Variants in SNTG2 observed in about 807,000 individuals in gnomAD.
SNTG2 encodes syntrophin gamma 2, also known as gamma-2-syntrophin.
A neutral mutation model predicts 70.9 loss-of-function variants in SNTG2; 74 were observed. That is an observed-to-expected ratio of 1.04 (90% CI 0.86 to 1.27). The LOEUF is 1.27. Among genes scored for constraint, SNTG2 ranks in the 50% most tolerant of loss-of-function variants. The pLI, the probability that SNTG2 is intolerant of heterozygous loss-of-function variation, is 0.00. For missense variants in SNTG2, 717 were observed against 690.7 expected (o/e 1.04, Z -0.43); for synonymous variants, 278 against 273.8 (o/e 1.02, Z -0.15).
rs774429634 is a variant in SNTG2 at position 1,237,976 on chromosome 2, CG to C, written c.811del (p.Ala271ArgfsTer9). 1.2e-6 allele frequency: 2 copies of C among 1,609,916 alleles called. No homozygotes were observed. The highest frequency in any genetic ancestry group is 1.7e-6 in the Non-Finnish European group (2 of 1,178,538). ...YTAQDGTDWL[R>X]AVSANIRELT... The stretch of plus-strand genomic sequence containing the variant: ...AGCCCAGGATGGCACCGACTGGCTG[CG>C]GGCGGTCTCAGCCAACATCAGGGAG... On this transcript the variant is annotated frameshift_variant, in exon 10 of 17. Coordinates refer to ENST00000308624, the MANE Select transcript of SNTG2 (RefSeq NM_018968.4). LOFTEE classifies it high-confidence loss of function.
intron 14 of SNTG2, among the ~76,000 whole-genome samples, chr2:1,278,992 CCT>C (rs1386870051): frequency 2.8e-4 from 38 of 135,750 alleles, no homozygotes; most frequent in Admixed American, 1.6e-3. Flanking sequence ...GCGAATCACC[CCT>C]CTGTCAGTGC....
chr2:1,305,228 G>T (rs1572950865), intron 14 of SNTG2, among the ~76,000 whole-genome samples: 1 of 152,300 alleles, frequency 6.6e-6, no homozygotes, highest in East Asian at 1.9e-4. Context: ...CTAGTAAGTT[G>T]TTCCTGCAGC....
chr2:1,078,552 CAG>C (rs955082041), intron 1 of SNTG2, among the ~76,000 whole-genome samples: 8 of 152,092 alleles, frequency 5.3e-5, no homozygotes, highest in South Asian at 2.1e-4. Context: ...GACAGCTGGA[CAG>C]GGGACAGGGA....
At chr2:1,036,850 G>C (rs1192579417) in intron 1 of SNTG2, among the ~76,000 whole-genome samples, 1 of 152,176 alleles carries the variant, frequency 6.6e-6, no homozygotes, top group Non-Finnish European at 1.5e-5. Context: ...AGTTCTTTCA[G>C]AATACCGTGT....
chr2:986,005 G>A (rs901329062), intron 1 of SNTG2, among the ~76,000 whole-genome samples: 1 of 150,596 alleles, frequency 6.6e-6, no homozygotes, highest in Admixed American at 6.6e-5. Flanking sequence ...AGGGGAGAGG[G>A]ATTTGTATTT....
intron 10 of SNTG2, 79 bp downstream of exon 10, chr2:1,238,096 A>T: frequency 6.7e-7 from 1 of 1,494,512 alleles, no homozygotes; most frequent in Non-Finnish European, 9.0e-7. Flanking sequence ...GTTTCTGATG[A>T]TTTATGATTA....
intron 2 of SNTG2, among the ~76,000 whole-genome samples, chr2:1,096,437 T>C (rs1665394607): frequency 2.0e-5 from 3 of 152,138 alleles, no homozygotes; most frequent in Admixed American, 1.3e-4. Context: ...ACAGAACTTG[T>C]TTACCTTACA....
intron 8 of SNTG2, among the ~76,000 whole-genome samples, chr2:1,193,575 G>A (rs1316892559): frequency 6.6e-6 from 1 of 151,828 alleles, no homozygotes. Context: ...CCACAGGATT[G>A]CAGAATATAT....
chr2:1,323,977 G>T (rs549211953), intron 16 of SNTG2, among the ~76,000 whole-genome samples: 1 of 152,088 alleles, frequency 6.6e-6, no homozygotes, highest in African/African-American at 2.4e-5. Context: ...AGACCCCCCA[G>T]TAGGCTGGTA....
intron 4 of SNTG2, among the ~76,000 whole-genome samples, chr2:1,128,417 GAA>G (rs1667832805): frequency 6.6e-6 from 1 of 152,054 alleles, no homozygotes; most frequent in Admixed American, 6.6e-5. Flanking sequence ...CCATGGATTT[GAA>G]TTTACCTTTG....
At chr2:1,152,162 A>G (rs1279945026) in intron 6 of SNTG2, among the ~76,000 whole-genome samples, 1 of 152,202 alleles carries the variant, frequency 6.6e-6, no homozygotes, top group Non-Finnish European at 1.5e-5. Context: ...AGGCCAGGCA[A>G]TCAGTCAATC....
intron 1 of SNTG2, among the ~76,000 whole-genome samples, chr2:1,062,599 A>C (rs957115752): frequency 5.9e-5 from 9 of 152,244 alleles, no homozygotes; most frequent in African/African-American, 2.2e-4. Flanking sequence ...ATTAACAGTC[A>C]TTCTTCAAAT....
At chr2:1,262,164 G>A (rs1196409340) in intron 13 of SNTG2, among the ~76,000 whole-genome samples, 1 of 152,160 alleles carries the variant, frequency 6.6e-6, no homozygotes, top group African/African-American at 2.4e-5. Context: ...GAGAGAGAGA[G>A]ATTCAGAGAT....
intron 1 of SNTG2, among the ~76,000 whole-genome samples, chr2:1,002,982 G>A (rs568374002): frequency 2.0e-5 from 3 of 151,872 alleles, no homozygotes; most frequent in African/African-American, 4.8e-5. Context: ...TATCTTAAAC[G>A]AATTAACTCA....
At chr2:1,195,043 C>A (rs575661484) in intron 8 of SNTG2, among the ~76,000 whole-genome samples, 1 of 152,238 alleles carries the variant, frequency 6.6e-6, no homozygotes, top group Admixed American at 6.5e-5. Context: ...CATGTTCCAG[C>A]AAAAGACATG....
Position 1,227,398 on chromosome 2 carries a change from G to A in SNTG2, c.720-10490G>A, listed in dbSNP as rs1029900300. 2.0e-5 allele frequency among the ~76,000 whole-genome samples: 3 copies of A among 152,222 alleles called. No homozygotes were observed. The South Asian group carries it at 6.2e-4, about 31-fold the overall frequency. On this transcript the variant is annotated intron_variant, in intron 9 of 16. Transcript: ENST00000308624. Reference sequence around the variant, plus strand: ...GGCCACGGATGGGTGGAGGACAGTCGGCCCCTGGCTGGTGTCCAGCGTCTG... The same window carrying A: ...GGCCACGGATGGGTGGAGGACAGTCAGCCCCTGGCTGGTGTCCAGCGTCTG...
intron 11 of SNTG2, among the ~76,000 whole-genome samples, 174 bp from the exon 12 acceptor site, chr2:1,247,153 T>C (rs1340505605): frequency 6.6e-6 from 1 of 152,234 alleles, no homozygotes; most frequent in Non-Finnish European, 1.5e-5. Flanking sequence ...AAGATGTGAT[T>C]CATTCCTATT....
intron 14 of SNTG2, among the ~76,000 whole-genome samples, chr2:1,298,292 C>T (rs1680308170): frequency 6.6e-6 from 1 of 151,944 alleles, no homozygotes; most frequent in African/African-American, 2.4e-5. Flanking sequence ...ACCACCACAC[C>T]CAGATAATTT....
intron 12 of SNTG2, among the ~76,000 whole-genome samples, chr2:1,251,445 C>CCACA (rs1677752123): frequency 7.0e-6 from 1 of 142,388 alleles, no homozygotes; most frequent in African/African-American, 2.5e-5. Context: ...ACCACACACA[C>CCACA]CACACACTAC....
Sources: allele counts gnomAD v4.1 joint callset (sites outside exome capture counted in the v4.1 genomes callset), GRCh38; gene constraint gnomAD v4.1.1; transcripts MANE v1.5; gene names NCBI Gene and HGNC (gene_info 2026-07-23, HGNC 2026-07-21).